The following CDC42SE2 variants were observed in gnomAD, a reference collection of about 807,000 sequenced individuals.
CDC42SE2 encodes the protein CDC42 small effector protein 2.
CDC42SE2 carries 3 observed loss-of-function variants against 11.5 expected under a neutral mutation model. The observed-to-expected ratio is 0.26, with a 90% CI of 0.12 to 0.67. The LOEUF (loss-of-function observed/expected upper bound fraction) is 0.67, where lower values mean the gene tolerates loss of function less well. Ranked by LOEUF, CDC42SE2 falls within the 30% of genes least tolerant of loss-of-function variation. The pLI is 0.80. For missense variants in CDC42SE2, 82 were observed against 106.8 expected, an observed-to-expected ratio of 0.77 and a Z score of 1.02; for synonymous variants, 33 against 34.8, an observed-to-expected ratio of 0.95 and a Z score of 0.18.
At chr5:131,329,076 T>C (rs1388524063) in intron 2 of CDC42SE2, among the ~76,000 whole-genome samples, 1 of 152,230 alleles carries the variant, frequency 6.6e-6, no homozygotes, top group African/African-American at 2.4e-5. Flanking sequence ...TTAGTCTGTG[T>C]CTGCTTTCCT....
chr5:131,303,914 A>G (rs1216671669), intron 1 of CDC42SE2, among the ~76,000 whole-genome samples: 1 of 152,176 alleles, frequency 6.6e-6, no homozygotes, highest in Non-Finnish European at 1.5e-5. Context: ...GGAGACTAGA[A>G]ATCTCTGCAT....
chr5:131,325,365 A>C (rs780117543), intron 2 of CDC42SE2, among the ~76,000 whole-genome samples: 3 of 152,026 alleles, frequency 2.0e-5, no homozygotes, highest in Non-Finnish European at 4.4e-5. Context: ...GAATTTTTTA[A>C]TTTTTCACTT....
chr5:131,320,231 A>G (rs1312780902), intron 2 of CDC42SE2, among the ~76,000 whole-genome samples: 1 of 146,098 alleles, frequency 6.8e-6, no homozygotes, highest in African/African-American at 2.5e-5. Flanking sequence ...CTAAAAATAG[A>G]AAAAAAAAAA....
At chr5:131,361,802 C>T (rs756364165) in intron 3 of CDC42SE2, among the ~76,000 whole-genome samples, 1 of 152,154 alleles carries the variant, frequency 6.6e-6, no homozygotes, top group Non-Finnish European at 1.5e-5. Context: ...CCTTTAACTG[C>T]CCCGGCCAAA....
intron 3 of CDC42SE2, among the ~76,000 whole-genome samples, chr5:131,377,223 G>A (rs1030549886): frequency 1.3e-5 from 2 of 150,842 alleles, no homozygotes; most frequent in African/African-American, 2.4e-5. Context: ...GCCCAGGCTG[G>A]AGTGATGTGA....
upstream of CDC42SE2, chr5:131,261,329 G>A (rs1278800383): frequency 6.6e-6 from 1 of 152,134 alleles, no homozygotes; most frequent in East Asian, 1.9e-4. Context: ...AATGACTCTA[G>A]AAAAATTTTA....
chr5:131,389,484 A>G (rs1751898912), intron 4 of CDC42SE2, among the ~76,000 whole-genome samples: 1 of 152,204 alleles, frequency 6.6e-6, no homozygotes, highest in Admixed American at 6.5e-5. Context: ...GTTAGTAAAA[A>G]TGTCCCCATT....
At chr5:131,305,554 G>T (rs545448859) in intron 1 of CDC42SE2, among the ~76,000 whole-genome samples, 182 of 152,248 alleles carry the variant, frequency 1.2e-3, no homozygotes, top group Non-Finnish European at 2.0e-3. Context: ...TCTGTTTATT[G>T]TCTTCTTTTG....
At chr5:131,357,627 A>C (rs1333160621) in intron 2 of CDC42SE2, among the ~76,000 whole-genome samples, 1 of 152,206 alleles carries the variant, frequency 6.6e-6, no homozygotes, top group African/African-American at 2.4e-5. Context: ...ATATTTCGCC[A>C]TTTGGGACAA....
chr5:131,328,537 A>C (rs1012944781), intron 2 of CDC42SE2, among the ~76,000 whole-genome samples: 3 of 152,114 alleles, frequency 2.0e-5, no homozygotes, highest in African/African-American at 7.2e-5. Context: ...TCTGTTTTAC[A>C]TATTCAGTAT....
the CDC42SE2 span, among the ~76,000 whole-genome samples, chr5:131,227,137 G>A: frequency 6.6e-6 from 1 of 152,118 alleles, no homozygotes; most frequent in Non-Finnish European, 1.5e-5. Context: ...GATGACTCAC[G>A]CCTGTAATCT....
At chr5:131,265,843 A>G (rs984665653) in intron 1 of CDC42SE2, among the ~76,000 whole-genome samples, 5 of 152,208 alleles carry the variant, frequency 3.3e-5, no homozygotes. Flanking sequence ...CCCTATTAGG[A>G]GACTTTGGTA....
chr5:131,270,547 T>A (rs925062157), intron 1 of CDC42SE2, among the ~76,000 whole-genome samples: 1 of 152,184 alleles, frequency 6.6e-6, no homozygotes, highest in Non-Finnish European at 1.5e-5. Context: ...TCTGTGGAAC[T>A]GAAAGGTTTA....
upstream of CDC42SE2, among the ~76,000 whole-genome samples, chr5:131,262,636 C>A (rs1271260128): frequency 6.6e-6 from 1 of 152,082 alleles, no homozygotes; most frequent in Non-Finnish European, 1.5e-5. Flanking sequence ...CGACCAGTAC[C>A]AAAATCCTCT....
At chr5:131,257,806 C>T (rs1756690454) in intron 2 of CDC42SE2, among the ~76,000 whole-genome samples, 1 of 152,132 alleles carries the variant, frequency 6.6e-6, no homozygotes, top group South Asian at 2.1e-4. Flanking sequence ...GGCACCAAAT[C>T]TCCCGGTGCT....
the CDC42SE2 span, among the ~76,000 whole-genome samples, chr5:131,236,453 G>C: frequency 6.6e-6 from 1 of 152,116 alleles, no homozygotes; most frequent in Non-Finnish European, 1.5e-5. Flanking sequence ...TTGAGACGGA[G>C]TCTTGCTCTG....
intron 3 of CDC42SE2, among the ~76,000 whole-genome samples, chr5:131,377,807 T>G (rs1309938477): frequency 6.6e-6 from 1 of 152,250 alleles, no homozygotes; most frequent in African/African-American, 2.4e-5. Context: ...GTATTTTTTA[T>G]GCAGAAATGT....
upstream of CDC42SE2, chr5:131,264,033 C>G (rs1756795279): frequency 6.6e-6 from 1 of 151,800 alleles, no homozygotes; most frequent in Non-Finnish European, 1.5e-5. Context: ...GCGCGCGAGC[C>G]TGGGCGGGGA....
At chr5:131,371,507 A>G (rs2149780155) in intron 3 of CDC42SE2, among the ~76,000 whole-genome samples, 1 of 152,274 alleles carries the variant, frequency 6.6e-6, no homozygotes, top group Middle Eastern at 3.4e-3. Context: ...CAGATGGGAT[A>G]TTGTTTGTTT....
Sources: gnomAD v4.1 joint callset for allele counts (sites outside exome capture counted in the v4.1 genomes callset) on GRCh38, gnomAD v4.1.1 for gene constraint, MANE v1.5 for transcripts, NCBI Gene and HGNC (gene_info 2026-07-23, HGNC 2026-07-21) for gene names.